ECT2L: variants seen among roughly 807,000 people sequenced by gnomAD.
ECT2L encodes epithelial cell transforming 2 like, also known as epithelial cell-transforming sequence 2 oncogene-like.
ECT2L carries 126 observed loss-of-function variants against 122.8 expected under a neutral mutation model. The ratio of observed to expected loss-of-function variants is 1.03; its 90% CI spans 0.89 to 1.19. The LOEUF (loss-of-function observed/expected upper bound fraction) is 1.19. Ranked by LOEUF, ECT2L falls within the 50% of genes most tolerant of loss-of-function variation. The probability of loss-of-function intolerance (pLI) is 0.00; values close to 1 mark genes in which losing one functional copy is unlikely to be tolerated. For missense variants in ECT2L, 1,012 were observed against 1,064.1 expected (o/e 0.95, Z 0.68); for synonymous variants, 385 against 381.8 (o/e 1.01, Z -0.10).
chr6:138,803,522 G>T (rs1201559583), intron 1 of ECT2L, among the ~76,000 whole-genome samples: 3 of 152,262 alleles, frequency 2.0e-5, no homozygotes, highest in East Asian at 1.9e-4. Flanking sequence ...CATAACAACA[G>T]CTGGGCATCT....
chr6:138,890,849 GTTTTTTC>G (rs1297684547), intron 20 of ECT2L, among the ~76,000 whole-genome samples: 1 of 151,770 alleles, frequency 6.6e-6, no homozygotes, highest in Non-Finnish European at 1.5e-5. Context: ...TAGGTTGGTG[GTTTTTTC>G]TTTTAACACT....
Position 138,814,482 on chromosome 6 carries a change from C to G in ECT2L, c.67-9C>G. 6.4e-7 allele frequency: 1 copy of G among 1,570,346 alleles called. No individual in the cohort carries two copies. The highest frequency in any genetic ancestry group is 1.3e-5 in the African/African-American group (1 of 74,128). The stretch of plus-strand genomic sequence containing the variant: ...CAGCAAATGTCACTTCCTCCCCTCC[C>G]CCTTATAGCTCTTTCAGGAAAGAGT... On this transcript the variant is annotated splice_polypyrimidine_tract_variant and intron_variant, in intron 3 of 21. Coordinates refer to ENST00000541398, the MANE Select transcript of ECT2L (RefSeq NM_001077706.3).
chr6:138,828,129 A>G (rs1776518509), intron 4 of ECT2L, among the ~76,000 whole-genome samples: 1 of 152,076 alleles, frequency 6.6e-6, no homozygotes, highest in African/African-American at 2.4e-5. Context: ...CCTGTGTTAT[A>G]AAGGACTATT....
intron 15 of ECT2L, 105 bp from the exon 16 acceptor site, chr6:138,882,619 C>T (rs773774295): frequency 7.4e-6 from 10 of 1,356,454 alleles, no homozygotes; most frequent in Middle Eastern, 1.9e-4. Context: ...AAAACCCTAC[C>T]GTAAAGGACT....
intron 1 of ECT2L, among the ~76,000 whole-genome samples, chr6:138,806,002 G>C (rs1775698555): frequency 6.6e-6 from 1 of 152,184 alleles, no homozygotes; most frequent in Non-Finnish European, 1.5e-5. Flanking sequence ...ACAAGTCACA[G>C]TTGCAGCACA....
intron 14 of ECT2L, chr6:138,879,083 G>A (rs1049474503): frequency 7.8e-5 from 14 of 179,526 alleles, no homozygotes; most frequent in African/African-American, 3.1e-4. Context: ...CACATCAATT[G>A]TATCTTTAAC....
At chr6:138,802,382 C>A (rs1253967251) in intron 1 of ECT2L, among the ~76,000 whole-genome samples, 3 of 152,230 alleles carry the variant, frequency 2.0e-5, no homozygotes, top group African/African-American at 7.2e-5. Context: ...TTATTTTAAG[C>A]CACTGAGTTT....
At chr6:138,862,404 C>A (rs1418676906) in intron 10 of ECT2L, among the ~76,000 whole-genome samples, 2 of 151,980 alleles carry the variant, frequency 1.3e-5, no homozygotes, top group African/African-American at 2.4e-5. Context: ...TTTTAAACAA[C>A]CAGATCTTGT....
At chr6:138,850,160 G>T (rs7762859) in intron 9 of ECT2L, among the ~76,000 whole-genome samples, 1 of 150,894 alleles carries the variant, frequency 6.6e-6, no homozygotes. Flanking sequence ...CTTTTTTCGA[G>T]ACAGAGTCTT....
chr6:138,895,289 T>C (rs10499204), intron 20 of ECT2L, among the ~76,000 whole-genome samples: 8,537 of 152,178 alleles, frequency 0.056, 438 homozygotes, highest in East Asian at 0.16. Context: ...TACCAACTCA[T>C]ATAAGGCTTT....
chr6:138,892,175 G>T (rs1343558502), intron 20 of ECT2L, among the ~76,000 whole-genome samples: 1 of 152,062 alleles, frequency 6.6e-6, no homozygotes, highest in African/African-American at 2.4e-5. Flanking sequence ...CTGCTTTTCA[G>T]CTTGGTAAGC....
At chr6:138,888,522 C>T (rs1178361359) in intron 19 of ECT2L, among the ~76,000 whole-genome samples, 1 of 151,954 alleles carries the variant, frequency 6.6e-6, no homozygotes, top group African/African-American at 2.4e-5. Context: ...CCATGTTGGC[C>T]AGGCTGGTCT....
rs573635277 is a variant in ECT2L at position 138,902,495 on chromosome 6, T to C, written c.2588-5T>C. ...TTAATTAGTATACCTCAAATGCTTT[T>C]ACAGATGTCAAGAATGCATTTATTC... On this transcript the variant is annotated splice_polypyrimidine_tract_variant and splice_region_variant and intron_variant, in intron 21 of 21. Coordinates refer to ENST00000541398, the MANE Select transcript of ECT2L (RefSeq NM_001077706.3). 86 of 1,611,988 alleles carry C rather than the reference T, an allele frequency of 5.3e-5. 1 individual carries two copies. The South Asian group carries it at 9.2e-4, about 17-fold the overall frequency.
At position 138,882,840 on chromosome 6, in the gene ECT2L, A is replaced by G. The variant is rs766130385; in HGVS notation, c.1997A>G (p.Asn666Ser). The G allele has an allele frequency of 9.3e-6, 15 of 1,614,192 alleles. No homozygotes were observed. The highest frequency in any genetic ancestry group is 3.3e-5 in the Admixed American group (2 of 60,022). Residue 666 changes from asparagine to serine, a missense_variant, in exon 16 of 22, where the codon AAT (asparagine) becomes AGT (serine). Asn to Ser is a conservative substitution (Grantham distance 46). Coordinates refer to ENST00000541398, the MANE Select transcript of ECT2L (RefSeq NM_001077706.3). Reference sequence around the variant, plus strand: ...AACACATATACCAATTTCTTCAACAATTACCCTGTCATTCTGAAAACTATT... The same window carrying G: ...AACACATATACCAATTTCTTCAACAGTTACCCTGTCATTCTGAAAACTATT... ...QLNTYTNFFN[N>S]YPVILKTIEK... is the part of the protein sequence containing the mutation.
rs554814604 is a variant in ECT2L, at chr6:138,839,212, A to G, written c.342+698A>G. On this transcript the variant is annotated intron_variant, in intron 5 of 21. Transcript: ENST00000541398. ...CCCTTATTGTCTTAACATCTGTTAA[A>G]GAACATACATTGAGATCTGTCAACA... Among the ~76,000 whole-genome samples the G allele has an allele frequency of 3.9e-5, 6 of 152,374 alleles. No homozygotes were observed. The East Asian group carries it at 9.6e-4, about 24-fold the overall frequency.
At chr6:138,884,309 G>C (rs899297969) in intron 16 of ECT2L, among the ~76,000 whole-genome samples, 1 of 152,120 alleles carries the variant, frequency 6.6e-6, no homozygotes, top group Non-Finnish European at 1.5e-5. Flanking sequence ...GTAACTTTAC[G>C]GGTGCTCTAA....
chr6:138,873,344 G>A (rs1468321467), intron 13 of ECT2L, among the ~76,000 whole-genome samples: 1 of 152,222 alleles, frequency 6.6e-6, no homozygotes, highest in African/African-American at 2.4e-5. Context: ...ACCTCTAGGA[G>A]GAAGAACCAC....
In ECT2L at chr6:138,885,022, CTTTTTTTTTTT is replaced by C. The variant is rs34579502; in HGVS notation, c.2029-470_2029-460del. On this transcript the variant is annotated intron_variant, in intron 16 of 21. Transcript: ENST00000541398. ...GGTCTATGTATAATTAACACACATTCTTTTTTTTTTTTTTTTTTTTTTTTGAGATGGAGTCT... is the reference window on the plus strand; with the variant it reads ...GGTCTATGTATAATTAACACACATTCTTTTTTTTTTTTTGAGATGGAGTCT... Among the ~76,000 whole-genome samples, 565 of 78,946 alleles carry C rather than the reference CTTTTTTTTTTT, an allele frequency of 7.2e-3. 7 individuals are homozygous for C. The highest frequency in any genetic ancestry group is 0.025 in the African/African-American group (524 of 20,892). The allele number at this position is 78,946 out of a possible 152,430, so 51.8% of individuals were successfully genotyped here.
intron 11 of ECT2L, 101 bp downstream of exon 11, chr6:138,862,820 C>A: frequency 1.1e-6 from 1 of 895,064 alleles, no homozygotes; most frequent in Non-Finnish European, 1.8e-6. Flanking sequence ...TGGCTGATAT[C>A]CATTACTCTC....
Sources: gnomAD v4.1 joint callset for allele counts (sites outside exome capture counted in the v4.1 genomes callset) on GRCh38, gnomAD v4.1.1 for gene constraint, MANE v1.5 for transcripts, NCBI Gene and HGNC (gene_info 2026-07-23, HGNC 2026-07-21) for gene names.